Variants in MGAT4C observed in about 807,000 individuals in gnomAD.
The protein encoded by MGAT4C is MGAT4 family member C.
MGAT4C carries 19 observed loss-of-function variants against 40.1 expected under a neutral mutation model. That is an observed-to-expected ratio of 0.47 (90% CI 0.33 to 0.70). MGAT4C has a LOEUF of 0.70. Among genes scored for constraint, MGAT4C ranks in the 30% least tolerant of loss-of-function variants. The pLI is 0.02. For missense variants in MGAT4C, 491 were observed against 563.2 expected (o/e 0.87, Z 1.30); for synonymous variants, 181 against 187.1 (o/e 0.97, Z 0.27).
In MGAT4C at chr12:86,013,764, T is replaced by TG. The variant is rs1443140503; in HGVS notation, c.-6-24213dup. 6.0e-4 allele frequency: 587 copies of TG among 980,322 alleles called. 1 individual carries two copies. The African/African-American group carries it at 9.6e-3, about 16-fold the overall frequency. 60.7% of individuals were successfully genotyped at this position (980,322 alleles called of 1,614,324 possible). A position where few individuals can be genotyped will look rare whatever the true frequency, so the allele number is the denominator to read the frequency against. On this transcript the variant is annotated intron_variant, in intron 2 of 4. Coordinates refer to ENST00000611864, the MANE Select transcript of MGAT4C (RefSeq NM_001351288.2). ...GTCAGTCAGGTCCACAGAATCTTAG[T>TG]GAAAAAAAAAAAAAAGACTTTCTTA...
intron 2 of MGAT4C, among the ~76,000 whole-genome samples, chr12:86,467,369 A>G (rs1957696624): frequency 1.3e-5 from 2 of 152,212 alleles, no homozygotes; most frequent in Admixed American, 6.5e-5. Context: ...TTAAAGAGGC[A>G]CAGACCAAGA....
intron 2 of MGAT4C, among the ~76,000 whole-genome samples, chr12:86,038,540 CTTTATTTA>C (rs143349417): frequency 2.1e-5 from 3 of 144,090 alleles, no homozygotes; most frequent in East Asian, 3.9e-4. Flanking sequence ...TCAACCCTTG[CTTTATTTA>C]TTTATTTATT....
intron 2 of MGAT4C, among the ~76,000 whole-genome samples, chr12:86,548,366 T>A (rs1959214050): frequency 6.6e-6 from 1 of 152,070 alleles, no homozygotes; most frequent in Admixed American, 6.6e-5. Context: ...TCTCTCAAGG[T>A]TAATTTATTT....
chr12:86,626,606 A>C (rs141577043), intron 2 of MGAT4C, among the ~76,000 whole-genome samples: 1 of 152,348 alleles, frequency 6.6e-6, no homozygotes, highest in Non-Finnish European at 1.5e-5. Context: ...AAATGTATTT[A>C]TTTAGGCAAA....
intron 1 of MGAT4C, among the ~76,000 whole-genome samples, chr12:86,828,949 T>C (rs1952863150): frequency 6.6e-6 from 1 of 151,582 alleles, no homozygotes; most frequent in South Asian, 2.1e-4. Context: ...AATATAAATT[T>C]GCCAAAAGTT....
At chr12:86,800,678 G>T (rs908120239) in intron 1 of MGAT4C, among the ~76,000 whole-genome samples, 2 of 151,768 alleles carry the variant, frequency 1.3e-5, no homozygotes, top group African/African-American at 4.8e-5. Context: ...TTTAACCATA[G>T]AAATTAATGT....
chr12:86,687,659 C>A (rs1199056982), intron 2 of MGAT4C, among the ~76,000 whole-genome samples: 1 of 152,144 alleles, frequency 6.6e-6, no homozygotes, highest in African/African-American at 2.4e-5. Flanking sequence ...AAGTGAGTTT[C>A]TTAATACTGA....
intron 1 of MGAT4C, among the ~76,000 whole-genome samples, chr12:86,758,021 T>C (rs912140700): frequency 1.3e-5 from 2 of 152,182 alleles, no homozygotes; most frequent in African/African-American, 4.8e-5. Context: ...CTTTCTCTAA[T>C]AGCTTCTTTT....
At chr12:86,613,557 T>A (rs1276568375) in intron 2 of MGAT4C, among the ~76,000 whole-genome samples, 1 of 152,136 alleles carries the variant, frequency 6.6e-6, no homozygotes, top group Non-Finnish European at 1.5e-5. Flanking sequence ...TACATTGTTA[T>A]TTCACAGCTG....
chr12:86,441,303 A>C (rs1957222036), intron 2 of MGAT4C, among the ~76,000 whole-genome samples: 1 of 151,578 alleles, frequency 6.6e-6, no homozygotes, highest in Non-Finnish European at 1.5e-5. Flanking sequence ...GAATTCAGAG[A>C]TAAAGCCAAA....
At chr12:86,766,144 A>G (rs1254327973) in intron 1 of MGAT4C, among the ~76,000 whole-genome samples, 1 of 152,160 alleles carries the variant, frequency 6.6e-6, no homozygotes, top group East Asian at 1.9e-4. Flanking sequence ...AGAGACACAC[A>G]TAGGCTCAAA....
intron 1 of MGAT4C, among the ~76,000 whole-genome samples, chr12:86,180,414 A>T (rs557123518): frequency 6.6e-6 from 1 of 152,274 alleles, no homozygotes; most frequent in South Asian, 2.1e-4. Context: ...AGAAGATGCC[A>T]CTATCCTTCA....
chr12:86,830,496 T>A (rs1952900532), intron 1 of MGAT4C, among the ~76,000 whole-genome samples: 1 of 151,840 alleles, frequency 6.6e-6, no homozygotes, highest in Non-Finnish European at 1.5e-5. Context: ...ATTTAGTGAA[T>A]ACTATCTTTA....
intron 1 of MGAT4C, among the ~76,000 whole-genome samples, chr12:86,801,627 A>T (rs1351059453): frequency 1.3e-5 from 2 of 151,670 alleles, no homozygotes; most frequent in African/African-American, 4.8e-5. Context: ...GATGACTAAG[A>T]ACTCCTGGAC....
chr12:85,980,225 T>A lies in MGAT4C; in HGVS notation c.501A>T (p.Gly167=). Residue 167 remains glycine, a synonymous_variant, in exon 5 of 5, where the codon GGA becomes GGT. Transcript: ENST00000611864. ...TQKFAHHIIA[G]RLMVIHAPEE... is the part of the protein sequence containing the mutation. ...CTGGAGCATGTATAACCATTAATCT[T>A]CCTGCAATAATATGGTGCGCAAATT... The A allele has an allele frequency of 6.2e-7, 1 of 1,613,910 alleles. No homozygotes were observed. Among genetic ancestry groups the A allele is most frequent in the Non-Finnish European group, 8.5e-7 (1 of 1,179,876 alleles).
chr12:86,447,122 G>A, intron 2 of MGAT4C, among the ~76,000 whole-genome samples: 1 of 151,938 alleles, frequency 6.6e-6, no homozygotes. Context: ...CATTCTTTTT[G>A]TTTGTTTGTT....
chr12:86,642,427 T>C (rs1024061341), intron 2 of MGAT4C, among the ~76,000 whole-genome samples: 1 of 151,800 alleles, frequency 6.6e-6, no homozygotes, highest in Non-Finnish European at 1.5e-5. Flanking sequence ...TCCATCAATA[T>C]TGAAATATTT....
chr12:86,242,615 GA>G (rs1306096947), intron 1 of MGAT4C, among the ~76,000 whole-genome samples: 1 of 152,036 alleles, frequency 6.6e-6, no homozygotes, highest in East Asian at 1.9e-4. Flanking sequence ...GATTTTATTT[GA>G]TTGTCCGGGG....
chr12:86,586,762 C>T (rs4420337), intron 2 of MGAT4C, among the ~76,000 whole-genome samples: 128,582 of 151,088 alleles, frequency 0.85, 55,253 homozygotes, highest in South Asian at 0.96. Context: ...TTGAGAAGTG[C>T]CTGTTTATAT....
Sources: gnomAD v4.1 joint callset for allele counts (sites outside exome capture counted in the v4.1 genomes callset) on GRCh38, gnomAD v4.1.1 for gene constraint, MANE v1.5 for transcripts, NCBI Gene and HGNC (gene_info 2026-07-23, HGNC 2026-07-21) for gene names.